The following SOD2 variants were observed in gnomAD, a reference collection of about 807,000 sequenced individuals.
The protein encoded by SOD2 is superoxide dismutase [Mn], mitochondrial.
A neutral mutation model predicts 27.0 loss-of-function variants in SOD2; 11 were observed. That is an observed-to-expected ratio of 0.41 (90% CI 0.26 to 0.67). The LOEUF is 0.67. SOD2 is among the 30% of genes least tolerant of loss of function. The probability of loss-of-function intolerance (pLI) is 0.34; values close to 1 mark genes in which losing one functional copy is unlikely to be tolerated. For synonymous variants in SOD2, 105 were observed against 103.0 expected, an observed-to-expected ratio of 1.02 and a Z score of -0.12; for missense variants, 250 against 274.5, an observed-to-expected ratio of 0.91 and a Z score of 0.63.
intron 1 of SOD2, chr6:159,712,964 G>A (rs1370629573): frequency 1.3e-5 from 8 of 606,016 alleles, no homozygotes; most frequent in South Asian, 2.2e-5. Context: ...TTTGTCTTTT[G>A]CCATAGCTGC....
Position 159,711,707 on chromosome 6 carries a change from T to A in SOD2, c.-116+15422A>T, listed in dbSNP as rs530308733. ...CCACCTCCATAACCACCACTCACAC[T>A]GCTCTGATCACCATAACCACCTCCA... On this transcript the variant is annotated intron_variant, in intron 1 of 2. Coordinates refer to the SOD2 transcript ENST00000401980. 2.7e-5 allele frequency among the ~76,000 whole-genome samples: 3 copies of A among 109,996 alleles called. 1 individual carries two copies. The East Asian group carries it at 1.1e-3, about 39-fold the overall frequency. The allele number at this position is 109,996 out of a possible 152,430, so 72.2% of individuals were successfully genotyped here. A position where few individuals can be genotyped will look rare whatever the true frequency, so the allele number is the denominator to read the frequency against.
chr6:159,692,643 G>A lies in SOD2; in HGVS notation c.226+18C>T, dbSNP rs776234849. 6.2e-7 allele frequency: 1 copy of A among 1,611,338 alleles called. No individual in the cohort carries two copies. Among genetic ancestry groups the A allele is most frequent in the East Asian group, 2.2e-5 (1 of 44,678 alleles). On this transcript the variant is annotated intron_variant, in intron 2 of 4. Coordinates refer to ENST00000538183, the MANE Select transcript of SOD2 (RefSeq NM_000636.4). ...CCTCTGCCGGGGACTGCCTCCCGCC[G>A]CTCAGCCTGGAACCTACCCTTGGCC...
At position 159,670,736 on chromosome 6, in the gene SOD2, A is replaced by G. The variant is rs1388284913; in HGVS notation, c.*11757T>C. On this transcript the variant is annotated 3_prime_UTR_variant, in exon 5 of 5. Coordinates refer to ENST00000538183, the MANE Select transcript of SOD2 (RefSeq NM_000636.4). ...TTCATCTCACTGGGGCTTGTTGGAC[A>G]GTGGGTGTAGGACGGTGGGTGCAGC... 1 of 152,758 alleles carries G rather than the reference A, an allele frequency of 6.5e-6. No individual in the cohort carries two copies. The highest frequency in any genetic ancestry group is 1.5e-5 in the Non-Finnish European group (1 of 68,538). 9.5% of individuals were successfully genotyped at this position (152,758 alleles called of 1,614,324 possible). A position where few individuals can be genotyped will look rare whatever the true frequency, so the allele number is the denominator to read the frequency against.
intron 2 of SOD2, 111 bp from the exon 3 acceptor site, chr6:159,688,353 A>C: frequency 1.4e-6 from 1 of 693,606 alleles, no homozygotes; most frequent in Non-Finnish European, 2.5e-6. Context: ...CAGCTTATCT[A>C]TAACATCCGT....
At chr6:159,751,760 C>CA (rs2114954803) in intron 1 of SOD2, among the ~76,000 whole-genome samples, 1 of 152,280 alleles carries the variant, frequency 6.6e-6, no homozygotes, top group South Asian at 2.1e-4. Context: ...CCTTGAATTA[C>CA]ATTAGGTTAG....
At chr6:159,727,695 C>T (rs1000443296), upstream of SOD2, 6 of 983,490 alleles carry the variant, frequency 6.1e-6, no homozygotes, top group Non-Finnish European at 7.2e-6. Flanking sequence ...GCGGCTTCTG[C>T]CTGGAGAGGT....
chr6:159,760,115 G>C (rs1343338987), intron 1 of SOD2: 2 of 152,244 alleles, frequency 1.3e-5, no homozygotes, highest in African/African-American at 4.8e-5. Context: ...AAATGCAGGA[G>C]ATTGGAAGGT....
chr6:159,755,454 G>A, intron 1 of SOD2: 1 of 1,614,178 alleles, frequency 6.2e-7, no homozygotes, highest in Non-Finnish European at 8.5e-7. Context: ...CCCACGGGCA[G>A]TGAAAACTCT....
At position 159,740,385 on chromosome 6, in the gene SOD2, A is replaced by AC. The variant is rs1472924597; in HGVS notation, c.-116+4744dup. Among the ~76,000 whole-genome samples, 6 of 152,266 alleles carry AC rather than the reference A, an allele frequency of 3.9e-5. No homozygotes were observed. In the South Asian group the frequency reaches 8.3e-4, roughly 21 times the overall value. The stretch of plus-strand genomic sequence containing the variant: ...TCTTTCCTTAGGGAATTCATGTAAG[A>AC]CTTTTAGGCGAGTTTTTTCTCTTTG... On this transcript the variant is annotated intron_variant, in intron 1 of 3. Transcript: ENST00000537657.
chr6:159,694,997 A>G (rs142152636), upstream of SOD2, among the ~76,000 whole-genome samples: 556 of 152,240 alleles, frequency 3.7e-3, 5 homozygotes, highest in Middle Eastern at 0.014. Flanking sequence ...AGACACACTG[A>G]AAGTGGTTTT....
chr6:159,755,566 G>C (rs1432710988), intron 1 of SOD2: 3 of 1,613,926 alleles, frequency 1.9e-6, no homozygotes, highest in Non-Finnish European at 8.5e-7. Context: ...GCCACGTTCA[G>C]AATGGCTTGG....
chr6:159,738,539 T>G (rs1467390857), intron 1 of SOD2, among the ~76,000 whole-genome samples: 1 of 152,218 alleles, frequency 6.6e-6, no homozygotes, highest in Non-Finnish European at 1.5e-5. Flanking sequence ...TAAAGCTGCT[T>G]GCATGTTTTC....
At chr6:159,694,756 C>A (rs2114799816), upstream of SOD2, among the ~76,000 whole-genome samples, 1 of 114,602 alleles carries the variant, frequency 8.7e-6, no homozygotes. Flanking sequence ...CCTCCACGCC[C>A]CACTATTTTT....
At chr6:159,725,542 A>C (rs1051788199) in intron 1 of SOD2, 4 of 151,310 alleles carry the variant, frequency 2.6e-5, no homozygotes, top group Non-Finnish European at 4.4e-5. Flanking sequence ...ATATTAGTTA[A>C]CAGTTAAGTT....
At chr6:159,727,990 C>G (rs900681197), upstream of SOD2, among the ~76,000 whole-genome samples, 7 of 152,258 alleles carry the variant, frequency 4.6e-5, no homozygotes, top group South Asian at 2.1e-4. Flanking sequence ...GATGCCCTCC[C>G]CGGGCTGAGC....
chr6:159,707,944 G>A (rs1245535470), intron 1 of SOD2, among the ~76,000 whole-genome samples: 1 of 151,970 alleles, frequency 6.6e-6, no homozygotes, highest in Non-Finnish European at 1.5e-5. Context: ...GTCATCCCTG[G>A]GATGCAAGGC....
chr6:159,710,802 T>A (rs955155625), intron 1 of SOD2, among the ~76,000 whole-genome samples: 1 of 149,060 alleles, frequency 6.7e-6, no homozygotes, highest in Non-Finnish European at 1.5e-5. Context: ...CTGACCTCCA[T>A]AACCGCCTCC....
chr6:159,742,594 A>G (rs935356594), intron 1 of SOD2, among the ~76,000 whole-genome samples: 1 of 152,204 alleles, frequency 6.6e-6, no homozygotes, highest in Non-Finnish European at 1.5e-5. Context: ...TCTGCTGAAA[A>G]TAACGTTTAT....
intron 1 of SOD2, among the ~76,000 whole-genome samples, chr6:159,712,067 C>CACACT (rs780654369): frequency 3.9e-4 from 10 of 25,662 alleles, no homozygotes; most frequent in Middle Eastern, 0.031. Flanking sequence ...AACCACCACT[C>CACACT]GGCTGCTCAG....
Sources: gnomAD v4.1 joint callset for allele counts (sites outside exome capture counted in the v4.1 genomes callset) on GRCh38, gnomAD v4.1.1 for gene constraint, MANE v1.5 for transcripts, NCBI Gene and HGNC (gene_info 2026-07-23, HGNC 2026-07-21) for gene names.